The following NUMB variants were observed in gnomAD, a reference collection of about 807,000 sequenced individuals.
NUMB encodes NUMB endocytic adaptor protein.
A neutral mutation model predicts 59.7 loss-of-function variants in NUMB; 29 were observed. That is an observed-to-expected ratio of 0.49 (90% CI 0.36 to 0.66). The LOEUF (loss-of-function observed/expected upper bound fraction) is 0.66, where lower values mean the gene tolerates loss of function less well. Among genes scored for constraint, NUMB ranks in the 30% least tolerant of loss-of-function variants. The pLI, the probability that NUMB is intolerant of heterozygous loss-of-function variation, is 0.00. For missense variants in NUMB, 723 were observed against 822.0 expected (o/e 0.88, Z 1.47); for synonymous variants, 288 against 288.2 (o/e 1.00, Z 0.01).
intron 2 of NUMB, among the ~76,000 whole-genome samples, chr14:73,374,250 C>T (rs916405103): frequency 6.6e-6 from 1 of 152,136 alleles, no homozygotes; most frequent in African/African-American, 2.4e-5. Flanking sequence ...AAACTCCTGG[C>T]CTCATGCAGT....
At chr14:73,374,311 G>A (rs1894846707) in intron 2 of NUMB, among the ~76,000 whole-genome samples, 1 of 152,158 alleles carries the variant, frequency 6.6e-6, no homozygotes, top group South Asian at 2.1e-4. Context: ...GTGAGCTACT[G>A]CGCCTGGCCA....
intron 2 of NUMB, among the ~76,000 whole-genome samples, chr14:73,383,504 T>C (rs1330737980): frequency 6.6e-6 from 1 of 151,970 alleles, no homozygotes; most frequent in African/African-American, 2.4e-5. Flanking sequence ...AGATCTAACA[T>C]ACAGTTATCT....
chr14:73,382,826 A>C (rs1895313405), intron 2 of NUMB, among the ~76,000 whole-genome samples: 1 of 152,314 alleles, frequency 6.6e-6, no homozygotes, highest in Admixed American at 6.5e-5. Flanking sequence ...CTGAAAATCA[A>C]GAGAAAAAAA....
At position 73,301,052 on chromosome 14, in the gene NUMB, G is replaced by A. The variant is rs1890100047; in HGVS notation, c.235-3767C>T. 2.0e-5 allele frequency among the ~76,000 whole-genome samples: 3 copies of A among 152,328 alleles called. No homozygotes were observed. In the South Asian group the frequency reaches 6.2e-4, roughly 32 times the overall value. On this transcript the variant is annotated intron_variant, in intron 6 of 12. Coordinates refer to ENST00000555238, the MANE Select transcript of NUMB (RefSeq NM_001005743.2). The stretch of plus-strand genomic sequence containing the variant: ...TATTTTGCTGGAAGGTAAGCTCCAT[G>A]AGGGCAAGGTTTCTTCCATCTATCA...
At chr14:73,418,750 A>G (rs941816596) in intron 1 of NUMB, among the ~76,000 whole-genome samples, 3 of 152,020 alleles carry the variant, frequency 2.0e-5, no homozygotes, top group Admixed American at 2.0e-4. Flanking sequence ...CAGCCTGGAC[A>G]ACAAGAGCAA....
At chr14:73,420,781 T>C (rs1043966006) in intron 1 of NUMB, among the ~76,000 whole-genome samples, 2 of 152,054 alleles carry the variant, frequency 1.3e-5, no homozygotes, top group Admixed American at 6.6e-5. Flanking sequence ...GATCGCACCA[T>C]ATTATTATGG....
intron 1 of NUMB, among the ~76,000 whole-genome samples, chr14:73,445,663 T>C (rs1286981428): frequency 6.6e-6 from 1 of 152,202 alleles, no homozygotes; most frequent in Non-Finnish European, 1.5e-5. Context: ...GGGCATTTAC[T>C]ATGAACTAAA....
intron 3 of NUMB, among the ~76,000 whole-genome samples, chr14:73,361,364 A>C (rs1227367900): frequency 1.3e-5 from 2 of 152,210 alleles, no homozygotes; most frequent in East Asian, 3.8e-4. Context: ...TCCTTTGACC[A>C]AGAAGCTAAT....
intron 1 of NUMB, among the ~76,000 whole-genome samples, chr14:73,421,342 G>A (rs1897339612): frequency 6.6e-6 from 1 of 151,814 alleles, no homozygotes; most frequent in Non-Finnish European, 1.5e-5. Flanking sequence ...GCACCACTGC[G>A]CCCAGCTAAT....
chr14:73,412,277 T>C (rs978469025), intron 1 of NUMB, among the ~76,000 whole-genome samples: 5 of 152,014 alleles, frequency 3.3e-5, no homozygotes, highest in African/African-American at 1.2e-4. Context: ...GCACCTCCTA[T>C]GGATTATCCC....
chr14:73,402,092 C>T (rs1896444630), intron 2 of NUMB, among the ~76,000 whole-genome samples: 1 of 152,080 alleles, frequency 6.6e-6, no homozygotes. Flanking sequence ...AATCAAACTC[C>T]TGAGCTCAAG....
At chr14:73,405,955 C>A (rs1213829903) in intron 2 of NUMB, among the ~76,000 whole-genome samples, 1 of 152,092 alleles carries the variant, frequency 6.6e-6, no homozygotes. Context: ...CCCAGACTGA[C>A]CAATGGGTGG....
At chr14:73,414,460 C>T (rs1470799995) in intron 1 of NUMB, among the ~76,000 whole-genome samples, 2 of 152,246 alleles carry the variant, frequency 1.3e-5, no homozygotes. Flanking sequence ...GTGGTGTGAT[C>T]ATGGCTCACT....
intron 6 of NUMB, among the ~76,000 whole-genome samples, chr14:73,309,717 GTAT>G (rs1890660246): frequency 1.9e-5 from 1 of 53,850 alleles, no homozygotes; most frequent in African/African-American, 5.7e-5. Context: ...AGAACTTAAG[GTAT>G]AATAATAATA....
At chr14:73,411,919 C>CTT (rs935625343) in intron 1 of NUMB, among the ~76,000 whole-genome samples, 19,148 of 106,486 alleles carry the variant, frequency 0.18, 2,250 homozygotes, top group East Asian at 0.62. Flanking sequence ...CAGCAATTAA[C>CTT]TTTTTTTTTT....
rs7154364 is a variant in NUMB, at chr14:73,331,293, C to T, written c.127-8089G>A. ...GGGTGCCATGGCTCAGGCCTGTAGT[C>T]CCAGCACTCTGGGAGGCCGAGGTGG... is the stretch of plus-strand genomic sequence containing the variant. On this transcript the variant is annotated intron_variant, in intron 4 of 12. Coordinates refer to ENST00000555238, the MANE Select transcript of NUMB (RefSeq NM_001005743.2). Among the ~76,000 whole-genome samples the T allele has an allele frequency of 6.8e-3, 1,034 of 152,274 alleles. 4 individuals are homozygous for T. Among genetic ancestry groups the T allele is most frequent in the South Asian group, 0.03 (144 of 4,830 alleles).
chr14:73,296,613 T>C (rs1178488485), intron 7 of NUMB, among the ~76,000 whole-genome samples: 1 of 152,232 alleles, frequency 6.6e-6, no homozygotes, highest in African/African-American at 2.4e-5. Context: ...GATTGTACTT[T>C]GGACTAAGTG....
At chr14:73,283,969 G>A (rs1888810036) in intron 10 of NUMB, 112 bp downstream of exon 10, 11 of 1,010,864 alleles carry the variant, frequency 1.1e-5, no homozygotes, top group East Asian at 9.7e-5. Flanking sequence ...AACTATCAAC[G>A]AACCTCAGGG....
intron 2 of NUMB, among the ~76,000 whole-genome samples, chr14:73,377,007 C>T (rs1424802153): frequency 6.6e-6 from 1 of 151,734 alleles, no homozygotes; most frequent in Non-Finnish European, 1.5e-5. Flanking sequence ...AACTGGACAC[C>T]CAAATGAAAA....
Sources: gnomAD v4.1 joint callset for allele counts (sites outside exome capture counted in the v4.1 genomes callset) on GRCh38, gnomAD v4.1.1 for gene constraint, MANE v1.5 for transcripts, NCBI Gene and HGNC (gene_info 2026-07-23, HGNC 2026-07-21) for gene names.